Variants in CDC14A observed in about 807,000 individuals in gnomAD.
CDC14A encodes the protein dual specificity protein phosphatase CDC14A.
In CDC14A, 53 loss-of-function variants were observed where a neutral mutation model predicts 74.4. The ratio of observed to expected loss-of-function variants is 0.71; its 90% CI spans 0.57 to 0.89. The LOEUF (loss-of-function observed/expected upper bound fraction) is 0.89, where lower values mean the gene tolerates loss of function less well. Among genes scored for constraint, CDC14A ranks in the 40% least tolerant of loss-of-function variants. The pLI is 0.00. For synonymous variants in CDC14A, 247 were observed against 258.4 expected (o/e 0.96, Z 0.43); for missense variants, 646 against 713.7 (o/e 0.91, Z 1.08).
chr1:100,498,973 A>G lies in CDC14A; in HGVS notation c.1466A>G (p.Asn489Ser). The G allele has an allele frequency of 6.2e-7, 1 of 1,614,054 alleles. No individual in the cohort carries two copies. Among genetic ancestry groups the G allele is most frequent in the Non-Finnish European group, 8.5e-7 (1 of 1,179,952 alleles). Residue 489 changes from asparagine to serine, a missense_variant, in exon 15 of 16, where the codon AAT becomes AGT. Coordinates refer to ENST00000336454, the MANE Select transcript of CDC14A (RefSeq NM_003672.4). ...CTAGCCAGTTCTCTAGGGAACTTGA[A>G]TGCTGCAACAGATGATCCAGAGAAC... Reference protein sequence around the residue: ...SRLASSLGNLNAATDDPENKK... With the variant: ...SRLASSLGNLSAATDDPENKK...
rs140582714 is a variant in CDC14A at position 100,376,107 on chromosome 1, T to C, written c.141-1439T>C. The stretch of plus-strand genomic sequence containing the variant: ...GGTGGGAACTGAACAATGAGAACAC[T>C]TGGACATGGGAAGGGGAACATCACA... On this transcript the variant is annotated intron_variant, in intron 2 of 15. Coordinates refer to ENST00000336454, the MANE Select transcript of CDC14A (RefSeq NM_003672.4). 1.6e-3 allele frequency among the ~76,000 whole-genome samples: 245 copies of C among 151,854 alleles called. 1 individual carries two copies. Among genetic ancestry groups the C allele is most frequent in the African/African-American group, 5.6e-3 (232 of 41,410 alleles).
At position 100,468,019 on chromosome 1, in the gene CDC14A, A is replaced by C. The variant is rs774679175; in HGVS notation, c.902A>C (p.His301Pro). The C allele has an allele frequency of 6.2e-7, 1 of 1,613,166 alleles. No homozygotes were observed. Among genetic ancestry groups the C allele is most frequent in the East Asian group, 2.2e-5 (1 of 44,824 alleles). Residue 301 changes from histidine to proline, a missense_variant, in exon 10 of 16, where the codon CAT becomes CCT. Transcript: ENST00000336454. ...CYVMKHYRFT[H>P]AEIIAWIRIC... ...GTAATGAAACACTACAGGTTTACAC[A>C]TGCTGAAATAATTGCTTGGATTAGA...
At chr1:100,510,857 GTTCCAAAACTT>G (rs1023288445) in intron 15 of CDC14A, among the ~76,000 whole-genome samples, 1 of 152,070 alleles carries the variant, frequency 6.6e-6, no homozygotes, top group African/African-American at 2.4e-5. Context: ...CCACCTGGCT[GTTCCAAAACTT>G]TTTAACATTT....
At chr1:100,392,691 A>G (rs1657887703) in intron 4 of CDC14A, among the ~76,000 whole-genome samples, 1 of 152,180 alleles carries the variant, frequency 6.6e-6, no homozygotes. Context: ...AAAGTTTCCA[A>G]CTTCCTGTAC....
At chr1:100,351,644 T>TGGCTCAGCGGTCTCGCCCCGCCC, upstream of CDC14A, 1 of 1,034,306 alleles carries the variant, frequency 9.7e-7, no homozygotes, top group Non-Finnish European at 1.4e-6. Context: ...CCGCCCAGGC[T>TGGCTCAGCGGTCTCGCCCCGCCC]GGCTCAGCGG....
At chr1:100,477,719 A>C (rs1034303250) in intron 10 of CDC14A, among the ~76,000 whole-genome samples, 2 of 152,260 alleles carry the variant, frequency 1.3e-5, no homozygotes, top group African/African-American at 4.8e-5. Context: ...TTCATTAAGC[A>C]AGAAATAAGA....
intron 3 of CDC14A, among the ~76,000 whole-genome samples, chr1:100,379,328 G>C (rs1436249727): frequency 6.6e-6 from 1 of 152,122 alleles, no homozygotes; most frequent in Non-Finnish European, 1.5e-5. Context: ...TATTAATAAA[G>C]TTTAAACACT....
At chr1:100,382,197 T>C (rs916984338) in intron 3 of CDC14A, among the ~76,000 whole-genome samples, 1 of 149,530 alleles carries the variant, frequency 6.7e-6, no homozygotes, top group Admixed American at 6.7e-5. Flanking sequence ...AAAAACTGAA[T>C]ACCTTCCTCT....
At chr1:100,506,428 C>T (rs762821509) in intron 15 of CDC14A, among the ~76,000 whole-genome samples, 1 of 152,080 alleles carries the variant, frequency 6.6e-6, no homozygotes, top group Non-Finnish European at 1.5e-5. Context: ...TTTTCCCTTC[C>T]CAAGGGGACC....
chr1:100,351,859 T>G, upstream of CDC14A: 1 of 1,450,144 alleles, frequency 6.9e-7, no homozygotes, highest in Non-Finnish European at 9.4e-7. Flanking sequence ...AGCTGGTGCT[T>G]CTTTTTCAAT....
At chr1:100,396,135 T>C (rs928426707) in intron 4 of CDC14A, among the ~76,000 whole-genome samples, 7 of 152,232 alleles carry the variant, frequency 4.6e-5, no homozygotes, top group Non-Finnish European at 7.3e-5. Context: ...TGGAGGGTGA[T>C]AAAATATTTA....
chr1:100,493,688 TC>T (rs1191984345), intron 11 of CDC14A, among the ~76,000 whole-genome samples: 3 of 152,352 alleles, frequency 2.0e-5, no homozygotes. Context: ...TTGCACCCAT[TC>T]TTTAAGGGAT....
rs966487425 is a variant in CDC14A at position 100,353,141 on chromosome 1, C to G, written c.49+138C>G. On this transcript the variant is annotated intron_variant, in intron 1 of 15. Coordinates refer to ENST00000336454, the MANE Select transcript of CDC14A (RefSeq NM_003672.4). ...CGCGCTCTCGTCCCCTCTAGGGACT[C>G]TCCTTTCTCCGAGGACCCCCTGCTT... The G allele has an allele frequency of 5.7e-6, 5 of 872,260 alleles. No individual in the cohort carries two copies. In the African/African-American group the frequency reaches 8.4e-5, roughly 15 times the overall value. 54.0% of individuals were successfully genotyped at this position (872,260 alleles called of 1,614,324 possible).
intron 3 of CDC14A, among the ~76,000 whole-genome samples, chr1:100,381,211 C>G (rs1252300452): frequency 6.6e-6 from 1 of 152,206 alleles, no homozygotes; most frequent in South Asian, 2.1e-4. Flanking sequence ...CTTTTGCTTC[C>G]AGAGGTTTCA....
intron 6 of CDC14A, among the ~76,000 whole-genome samples, chr1:100,440,637 C>A (rs1032825286): frequency 2.0e-5 from 3 of 152,054 alleles, no homozygotes; most frequent in Non-Finnish European, 4.4e-5. Context: ...GAACATATAA[C>A]TATGGTTTAT....
intron 15 of CDC14A, among the ~76,000 whole-genome samples, chr1:100,511,219 G>A (rs1008748109): frequency 6.6e-6 from 1 of 152,166 alleles, no homozygotes; most frequent in African/African-American, 2.4e-5. Context: ...TAGGCTGGTG[G>A]GGGCTGGGGA....
chr1:100,444,119 A>G (rs1463804104), intron 7 of CDC14A, among the ~76,000 whole-genome samples: 1 of 152,194 alleles, frequency 6.6e-6, no homozygotes, highest in South Asian at 2.1e-4. Flanking sequence ...GTGTTACCAC[A>G]TTGCCATCCT....
At chr1:100,449,702 C>G (rs561670285) in intron 7 of CDC14A, among the ~76,000 whole-genome samples, 21 of 152,266 alleles carry the variant, frequency 1.4e-4, no homozygotes, top group African/African-American at 5.1e-4. Context: ...TTTTGGGCAG[C>G]AACTTTGTCT....
chr1:100,507,745 CCTCCACCTCCCAGGTT>C (rs1212694538), intron 15 of CDC14A, among the ~76,000 whole-genome samples: 1 of 152,098 alleles, frequency 6.6e-6, no homozygotes, highest in African/African-American at 2.4e-5. Flanking sequence ...CTCACTGCAA[CCTCCACCTCCCAGGTT>C]CTCCACCTCC....
Sources: gnomAD v4.1 joint callset for allele counts (sites outside exome capture counted in the v4.1 genomes callset) on GRCh38, gnomAD v4.1.1 for gene constraint, MANE v1.5 for transcripts, NCBI Gene and HGNC (gene_info 2026-07-23, HGNC 2026-07-21) for gene names.